RAD51B: variants seen among roughly 807,000 people sequenced by gnomAD.
RAD51B encodes DNA repair protein RAD51 homolog 2.
Under a neutral mutation model 42.2 loss-of-function variants are expected in RAD51B, and 38 were observed. That is an observed-to-expected ratio of 0.90 (90% CI 0.70 to 1.18). The LOEUF is 1.18. Among genes scored for constraint, RAD51B ranks in the 50% most tolerant of loss-of-function variants. The pLI is 0.00. For missense variants in RAD51B, 373 were observed against 400.7 expected, an observed-to-expected ratio of 0.93 and a Z score of 0.59; for synonymous variants, 154 against 145.2, an observed-to-expected ratio of 1.06 and a Z score of -0.43.
At chr14:68,132,462 A>G (rs931472058) in intron 7 of RAD51B, among the ~76,000 whole-genome samples, 2 of 152,250 alleles carry the variant, frequency 1.3e-5, no homozygotes, top group Admixed American at 1.3e-4. Flanking sequence ...TCTAACAATT[A>G]GAGCTCTTAA....
chr14:68,363,630 T>G (rs571187191), intron 8 of RAD51B, among the ~76,000 whole-genome samples: 54 of 152,304 alleles, frequency 3.5e-4, no homozygotes, highest in African/African-American at 6.7e-4. Flanking sequence ...TGCCACCTTG[T>G]GGTTAACATA....
At chr14:68,596,983 C>T (rs1250637127), downstream of RAD51B, among the ~76,000 whole-genome samples, 2 of 152,208 alleles carry the variant, frequency 1.3e-5, no homozygotes, top group Middle Eastern at 3.2e-3. Flanking sequence ...CGGCTTTTCT[C>T]GGCCAGCTTG....
At chr14:68,137,529 C>T (rs957945914) in intron 7 of RAD51B, among the ~76,000 whole-genome samples, 7 of 152,182 alleles carry the variant, frequency 4.6e-5, no homozygotes, top group African/African-American at 1.7e-4. Context: ...ATGGAATCCA[C>T]ATGGAATGCA....
At chr14:68,035,375 GTT>G (rs3837657) in intron 7 of RAD51B, among the ~76,000 whole-genome samples, 32 of 151,092 alleles carry the variant, frequency 2.1e-4, no homozygotes, top group African/African-American at 7.8e-4. Context: ...GTGAAGAATT[GTT>G]TTTTTTTAAC....
At chr14:68,236,520 G>C (rs2080262055) in intron 7 of RAD51B, 1 of 152,294 alleles carries the variant, frequency 6.6e-6, no homozygotes, top group Admixed American at 6.5e-5. Context: ...GGGACTATAG[G>C]TGCCACCACC....
chr14:68,005,291 A>G (rs957865888), intron 7 of RAD51B, among the ~76,000 whole-genome samples: 13 of 151,988 alleles, frequency 8.6e-5, no homozygotes, highest in Non-Finnish European at 2.9e-5. Context: ...TGACTTCATG[A>G]TCTGCCTGCC....
At chr14:68,322,442 T>G (rs186242083) in intron 8 of RAD51B, among the ~76,000 whole-genome samples, 1 of 152,360 alleles carries the variant, frequency 6.6e-6, no homozygotes, top group East Asian at 1.9e-4. Flanking sequence ...CTGCCTTTGC[T>G]TCATATTGAC....
In RAD51B at chr14:68,305,195, C is replaced by T. The variant is rs17105366; in HGVS notation, c.853+13215C>T. 8.1e-3 allele frequency among the ~76,000 whole-genome samples: 1,231 copies of T among 152,298 alleles called. 13 individuals are homozygous for T. Among genetic ancestry groups the T allele is most frequent in the African/African-American group, 0.029 (1,194 of 41,558 alleles). ...CTTGTTTTTACTGCAGAACTCTTTA[C>T]TGTCCCAAGTAGAGTGAGACTGAAA... On this transcript the variant is annotated intron_variant, in intron 8 of 10. Coordinates refer to ENST00000471583, the MANE Select transcript of RAD51B (RefSeq NM_133510.4).
intron 8 of RAD51B, among the ~76,000 whole-genome samples, chr14:68,295,082 A>T (rs2081588064): frequency 6.6e-6 from 1 of 152,186 alleles, no homozygotes; most frequent in Non-Finnish European, 1.5e-5. Context: ...CACTGCAAAT[A>T]TGAGGAGATA....
chr14:68,226,212 C>A lies in RAD51B; in HGVS notation c.757-65672C>A, dbSNP rs1241235369. Among the ~76,000 whole-genome samples the A allele has an allele frequency of 2.6e-5, 4 of 152,310 alleles. No individual in the cohort carries two copies. The East Asian group carries it at 7.7e-4, about 29-fold the overall frequency. ...TGTTCTTATACTTGTCACTTAACTC[C>A]TCTGTGCTTCGGTTTTCTAATCTAT... is the stretch of plus-strand genomic sequence containing the variant. On this transcript the variant is annotated intron_variant, in intron 7 of 10. Coordinates refer to ENST00000471583, the MANE Select transcript of RAD51B (RefSeq NM_133510.4).
intron 7 of RAD51B, among the ~76,000 whole-genome samples, chr14:68,079,679 T>C (rs1332683595): frequency 6.6e-6 from 1 of 152,234 alleles, no homozygotes; most frequent in African/African-American, 2.4e-5. Flanking sequence ...TTAAAGTATA[T>C]TAAAAACATT....
At chr14:67,897,491 G>T (rs2043460538) in intron 7 of RAD51B, among the ~76,000 whole-genome samples, 1 of 151,976 alleles carries the variant, frequency 6.6e-6, no homozygotes, top group Non-Finnish European at 1.5e-5. Flanking sequence ...CATACATATG[G>T]TTCACAGGTA....
intron 4 of RAD51B, among the ~76,000 whole-genome samples, chr14:67,845,475 C>T (rs1039999436): frequency 5.3e-5 from 8 of 151,956 alleles, no homozygotes; most frequent in South Asian, 2.1e-4. Context: ...TGAGACCAGC[C>T]GGGGCAATAT....
chr14:68,358,355 C>T (rs184969629), intron 8 of RAD51B, among the ~76,000 whole-genome samples: 40 of 152,292 alleles, frequency 2.6e-4, no homozygotes, highest in African/African-American at 9.1e-4. Context: ...CAGCAACACA[C>T]AATAAAGCTA....
chr14:68,679,308 G>T (rs909637054), intron 11 of RAD51B, among the ~76,000 whole-genome samples: 5 of 152,094 alleles, frequency 3.3e-5, no homozygotes, highest in Non-Finnish European at 7.3e-5. Context: ...GGCTTAAAAA[G>T]GTAAAGTAAC....
chr14:68,209,773 A>G (rs369670045), intron 7 of RAD51B, among the ~76,000 whole-genome samples: 31 of 152,248 alleles, frequency 2.0e-4, no homozygotes, highest in African/African-American at 7.5e-4. Flanking sequence ...TTGCACTGAG[A>G]AATTTTAGTG....
chr14:68,089,904 A>G (rs1473319156), intron 7 of RAD51B, among the ~76,000 whole-genome samples: 2 of 152,108 alleles, frequency 1.3e-5, no homozygotes, highest in Admixed American at 1.3e-4. Context: ...GCCCTAAATT[A>G]TATTATTTTA....
At chr14:68,234,042 C>T (rs2080198194) in intron 7 of RAD51B, among the ~76,000 whole-genome samples, 1 of 152,026 alleles carries the variant, frequency 6.6e-6, no homozygotes, top group South Asian at 2.1e-4. Context: ...ACAAAGGAAC[C>T]AGTGGGAAAG....
intron 11 of RAD51B, among the ~76,000 whole-genome samples, chr14:68,673,952 A>G (rs1291360523): frequency 6.6e-6 from 1 of 152,070 alleles, no homozygotes; most frequent in African/African-American, 2.4e-5. Flanking sequence ...TACTGTACAC[A>G]CACATCTATA....
Sources: gnomAD v4.1 joint callset for allele counts (sites outside exome capture counted in the v4.1 genomes callset) on GRCh38, gnomAD v4.1.1 for gene constraint, MANE v1.5 for transcripts, NCBI Gene and HGNC (gene_info 2026-07-23, HGNC 2026-07-21) for gene names.